MDN1: variants seen among roughly 807,000 people sequenced by gnomAD.
MDN1 encodes the protein midasin AAA ATPase 1, also known as midasin.
MDN1 carries 266 observed loss-of-function variants against 669.2 expected under a neutral mutation model. That is an observed-to-expected ratio of 0.40 (90% CI 0.36 to 0.44). The LOEUF is 0.44. Among genes scored for constraint, MDN1 ranks in the 20% least tolerant of loss-of-function variants. The probability of loss-of-function intolerance (pLI) is 1.00; values close to 1 mark genes in which losing one functional copy is unlikely to be tolerated. For missense variants in MDN1, 5,940 were observed against 6,754.0 expected (o/e 0.88, Z 4.22); for synonymous variants, 2,385 against 2,457.1 (o/e 0.97, Z 0.87).
At chr6:89,653,195 G>T in intron 93 of MDN1, 40 bp from the exon 94 acceptor site, 1 of 1,567,920 alleles carries the variant, frequency 6.4e-7, no homozygotes, top group Non-Finnish European at 8.6e-7. Context: ...TATAATATTA[G>T]CCTGATGACT....
At chr6:89,785,501 T>C (rs1818908750) in intron 8 of MDN1, among the ~76,000 whole-genome samples, 1 of 152,172 alleles carries the variant, frequency 6.6e-6, no homozygotes, top group Admixed American at 6.5e-5. Flanking sequence ...TCACTGCTTG[T>C]TACCAGAAGC....
intron 53 of MDN1, among the ~76,000 whole-genome samples, chr6:89,704,619 C>T (rs534448462): frequency 6.6e-6 from 1 of 152,294 alleles, no homozygotes; most frequent in East Asian, 1.9e-4. Context: ...TGGAGTGTTG[C>T]TCTGTCCCCC....
At position 89,673,232 on chromosome 6, in the gene MDN1, T is replaced by C; in HGVS notation, c.13474+4A>G. 1 of 1,610,092 alleles carries C rather than the reference T, an allele frequency of 6.2e-7. No homozygotes were observed. Among genetic ancestry groups the C allele is most frequent in the African/African-American group, 1.3e-5 (1 of 74,936 alleles). The stretch of plus-strand genomic sequence containing the variant: ...TCATTCCCTGACTGAACAATATTCC[T>C]TACCTCCTTGGCTATCTGAAGTAAG... On this transcript the variant is annotated splice_donor_region_variant and intron_variant, in intron 80 of 101. Transcript: ENST00000369393.
In MDN1 at chr6:89,695,573, G is replaced by A. The variant is rs1425148827; in HGVS notation, c.9771+32C>T. On this transcript the variant is annotated intron_variant, in intron 61 of 101. Coordinates refer to ENST00000369393, the MANE Select transcript of MDN1 (RefSeq NM_014611.3). The surrounding 1 kb of genome is among the most constrained non-coding windows in gnomAD (Gnocchi z 4.1). ...AAGCAAACCCAGCACGTCAGGGAAG[G>A]AGCCCATGCTCCATACTCTTGCCTC... 6.4e-7 allele frequency: 1 copy of A among 1,551,222 alleles called. No individual in the cohort carries two copies. The highest frequency in any genetic ancestry group is 8.7e-7 in the Non-Finnish European group (1 of 1,145,226).
In MDN1 at chr6:89,656,820, A is replaced by C; in HGVS notation, c.15184-19T>G. 6.2e-7 allele frequency: 1 copy of C among 1,602,954 alleles called. No homozygotes were observed. ...CGTGTTCCTAGGAAATCCAAGCCAC[A>C]AAAGAATGAGGTGAAAGAAGCTATT... is the stretch of plus-strand genomic sequence containing the variant. On this transcript the variant is annotated intron_variant, in intron 90 of 101. Coordinates refer to ENST00000369393, the MANE Select transcript of MDN1 (RefSeq NM_014611.3).
chr6:89,724,295 T>C (rs1815052689), intron 38 of MDN1, among the ~76,000 whole-genome samples: 1 of 152,216 alleles, frequency 6.6e-6, no homozygotes, highest in East Asian at 1.9e-4. Context: ...ACATTCTTCT[T>C]TTTTTAAGAT....
At chr6:89,799,049 C>T (rs1191911922) in intron 2 of MDN1, among the ~76,000 whole-genome samples, 2 of 152,184 alleles carry the variant, frequency 1.3e-5, no homozygotes, top group Admixed American at 6.5e-5. Context: ...AAAACAAATA[C>T]AAGATGTTAC....
At chr6:89,727,285 A>G (rs562402484) in intron 37 of MDN1, among the ~76,000 whole-genome samples, 2 of 152,104 alleles carry the variant, frequency 1.3e-5, no homozygotes, top group Admixed American at 1.3e-4. Context: ...AGCTCCACAA[A>G]TATTTCTAGC....
Position 89,701,607 on chromosome 6 carries a change from G to C in MDN1, c.8378C>G (p.Ala2793Gly), listed in dbSNP as rs183591005. The C allele has an allele frequency of 1.9e-6, 3 of 1,614,140 alleles. No homozygotes were observed. Among genetic ancestry groups the C allele is most frequent in the East Asian group, 4.5e-5 (2 of 44,882 alleles). The change falls in exon 55 of 102, where the codon GCT becomes GGT. Residue 2793 changes from alanine (A) to glycine (G), a missense_variant. Around this residue, in one of 5 missense-constraint regions of MDN1, gnomAD observed 2,292 missense variants for 2,638.3 expected, o/e 0.87. Coordinates refer to ENST00000369393, the MANE Select transcript of MDN1 (RefSeq NM_014611.3). ...GAACTTCTGCAACTTCTTTATACCA[G>C]CGAAGCCACCAGTCTGGCTCCCCAG... ...NCLGSQTGGFAGIKKLQKFLG... is the reference protein window; with the variant it reads ...NCLGSQTGGFGGIKKLQKFLG...
chr6:89,751,501 C>T lies in MDN1; in HGVS notation c.3157G>A (p.Asp1053Asn). Reference sequence around the variant, plus strand: ...GAAGATGTCAGAATGTACGTCTCATCTATTGTAGGCTCCTTGTCTCCCACC... The same window carrying T: ...GAAGATGTCAGAATGTACGTCTCATTTATTGTAGGCTCCTTGTCTCCCACC... ...IAVGDKEPTI[D>N]ETYILTSSVK... Residue 1053 changes from aspartate to asparagine, a missense_variant, in exon 23 of 102, where the codon GAT becomes AAT. Around this residue, in one of 5 missense-constraint regions of MDN1, gnomAD observed 1,203 missense variants for 1,268.9 expected, o/e 0.95. Coordinates refer to ENST00000369393, the MANE Select transcript of MDN1 (RefSeq NM_014611.3). The T allele has an allele frequency of 6.2e-7, 1 of 1,614,180 alleles. No individual in the cohort carries two copies. The highest frequency in any genetic ancestry group is 8.5e-7 in the Non-Finnish European group (1 of 1,180,020).
chr6:89,725,446 G>A (rs372258826), intron 37 of MDN1, 50 bp from the exon 38 acceptor site: 2 of 1,436,570 alleles, frequency 1.4e-6, no homozygotes, highest in African/African-American at 2.8e-5. Context: ...TTATACAACT[G>A]CAACAAAAAG....
At chr6:89,687,655 GCA>G (rs1430200729) in intron 67 of MDN1, among the ~76,000 whole-genome samples, 1 of 152,182 alleles carries the variant, frequency 6.6e-6, no homozygotes, top group Non-Finnish European at 1.5e-5. Context: ...TGGCAAAAAA[GCA>G]CAGTGTTTAT....
chr6:89,816,671 AT>A lies in MDN1; in HGVS notation c.102+2834del. 1.4e-5 allele frequency among the ~76,000 whole-genome samples: 2 copies of A among 146,948 alleles called. 1 individual carries two copies. The highest frequency in any genetic ancestry group is 7.0e-3 in the Middle Eastern group (2 of 286). ...TATGAACCTTGGTCTCCACACCCCT[AT>A]CTTTTTTTTTTTTTTTTTTTGAGAC... On this transcript the variant is annotated intron_variant, in intron 1 of 101. Coordinates refer to ENST00000369393, the MANE Select transcript of MDN1 (RefSeq NM_014611.3).
chr6:89,650,263 G>A, intron 96 of MDN1, 65 bp from the exon 97 acceptor site: 2 of 1,465,070 alleles, frequency 1.4e-6, no homozygotes, highest in South Asian at 1.2e-5. Context: ...TTTTATTAAG[G>A]ACAAAAATCA....
At chr6:89,808,088 T>A (rs949336304) in intron 1 of MDN1, among the ~76,000 whole-genome samples, 1 of 151,932 alleles carries the variant, frequency 6.6e-6, no homozygotes, top group African/African-American at 2.4e-5. Context: ...CTATAATCAC[T>A]TTTTTCTTTT....
At chr6:89,683,976 T>C in intron 71 of MDN1, 72 bp from the exon 72 acceptor site, 1 of 1,158,472 alleles carries the variant, frequency 8.6e-7, no homozygotes, top group Non-Finnish European at 1.3e-6. Context: ...TAGATTTCTG[T>C]TCAGCAAAGA....
At chr6:89,697,821 A>T (rs990697178) in intron 59 of MDN1, among the ~76,000 whole-genome samples, 3 of 152,060 alleles carry the variant, frequency 2.0e-5, no homozygotes, top group African/African-American at 7.2e-5. Flanking sequence ...ACCTCAAATG[A>T]TCCACCCACC....
chr6:89,645,295 T>C (rs900247390), intron 100 of MDN1, 138 bp from the exon 101 acceptor site: 5 of 896,134 alleles, frequency 5.6e-6, no homozygotes, highest in Non-Finnish European at 8.0e-6. Context: ...AGCTGATGAA[T>C]TCTGGGCACA....
At chr6:89,649,940 C>T in intron 97 of MDN1, 84 bp downstream of exon 97, 1 of 1,384,928 alleles carries the variant, frequency 7.2e-7, no homozygotes, top group Non-Finnish European at 1.0e-6. Flanking sequence ...TTAGCCATAT[C>T]ATATTTAAAG....
Sources: gnomAD v4.1 joint callset for allele counts (sites outside exome capture counted in the v4.1 genomes callset) on GRCh38, gnomAD v4.1.1 for gene constraint, gnomAD v4.1.1 regional missense constraint, Gnocchi (gnomAD v3.1) non-coding constraint, MANE v1.5 for transcripts, NCBI Gene and HGNC (gene_info 2026-07-23, HGNC 2026-07-21) for gene names.